Variants in ARFGAP3 observed in about 807,000 individuals in gnomAD.
ARFGAP3 encodes ARF GTPase activating protein 3.
Under a neutral mutation model 75.0 loss-of-function variants are expected in ARFGAP3, and 72 were observed. That is an observed-to-expected ratio of 0.96 (90% confidence interval 0.79 to 1.17). ARFGAP3 has a LOEUF of 1.17. ARFGAP3 is among the 50% of genes most tolerant of loss of function. The pLI, the probability that ARFGAP3 is intolerant of heterozygous loss-of-function variation, is 0.00. For synonymous variants in ARFGAP3, 221 were observed against 217.9 expected, an observed-to-expected ratio of 1.01 and a Z score of -0.13; for missense variants, 620 against 626.6, an observed-to-expected ratio of 0.99 and a Z score of 0.11.
Position 42,826,923 on chromosome 22 carries a change from G to T in ARFGAP3, c.625+17C>A. 6.2e-7 allele frequency: 1 copy of T among 1,608,836 alleles called. No homozygotes were observed. The highest frequency in any genetic ancestry group is 1.1e-5 in the South Asian group (1 of 90,230). Reference sequence around the variant, plus strand: ...TCATACACTTTAAATCAGAATGTAGGATTTTAAGCATATTACCTAAAGTAG... The same window carrying T: ...TCATACACTTTAAATCAGAATGTAGTATTTTAAGCATATTACCTAAAGTAG... On this transcript the variant is annotated intron_variant, in intron 7 of 15. Transcript: ENST00000263245.
intron 6 of ARFGAP3, among the ~76,000 whole-genome samples, chr22:42,829,805 C>A (rs1002571827): frequency 6.6e-6 from 1 of 152,154 alleles, no homozygotes; most frequent in Non-Finnish European, 1.5e-5. Context: ...AGGCTTTACC[C>A]ATGTTTTCTT....
chr22:42,813,696 C>T (rs1925464621), intron 11 of ARFGAP3, among the ~76,000 whole-genome samples: 1 of 152,146 alleles, frequency 6.6e-6, no homozygotes, highest in African/African-American at 2.4e-5. Flanking sequence ...GCTCTCTGTG[C>T]TCATGCTAAG....
chr22:42,807,537 T>C (rs1222409534), intron 13 of ARFGAP3, among the ~76,000 whole-genome samples: 1 of 152,210 alleles, frequency 6.6e-6, no homozygotes, highest in African/African-American at 2.4e-5. Flanking sequence ...TGAACTTGAA[T>C]GTCAACTTTG....
At chr22:42,848,907 A>G in intron 1 of ARFGAP3, among the ~76,000 whole-genome samples, 1 of 152,184 alleles carries the variant, frequency 6.6e-6, no homozygotes, top group Non-Finnish European at 1.5e-5. Context: ...TGGGTTACAA[A>G]TGACACTATG....
chr22:42,821,719 T>G (rs951774683), intron 9 of ARFGAP3, among the ~76,000 whole-genome samples: 2 of 152,096 alleles, frequency 1.3e-5, no homozygotes, highest in Non-Finnish European at 2.9e-5. Context: ...GTTGCACAGA[T>G]GTAAGTTTTA....
At chr22:42,824,748 T>C (rs1277182317) in intron 7 of ARFGAP3, among the ~76,000 whole-genome samples, 1 of 152,172 alleles carries the variant, frequency 6.6e-6, no homozygotes, top group Non-Finnish European at 1.5e-5. Flanking sequence ...AAGGGTATAT[T>C]GCGTGGTGCT....
chr22:42,848,362 C>T (rs1433542070), intron 1 of ARFGAP3, among the ~76,000 whole-genome samples: 1 of 152,164 alleles, frequency 6.6e-6, no homozygotes, highest in Non-Finnish European at 1.5e-5. Flanking sequence ...GCGCCCGCCA[C>T]CGCACCCGGC....
intron 14 of ARFGAP3, among the ~76,000 whole-genome samples, chr22:42,805,423 G>A (rs1238277611): frequency 3.9e-5 from 6 of 152,196 alleles, no homozygotes; most frequent in African/African-American, 1.2e-4. Flanking sequence ...TCTCTGGACC[G>A]GCTGCTGGCT....
chr22:42,799,974 T>C (rs1214021782), intron 14 of ARFGAP3, among the ~76,000 whole-genome samples: 2 of 152,228 alleles, frequency 1.3e-5, no homozygotes, highest in African/African-American at 4.8e-5. Flanking sequence ...TGTTAAGTGT[T>C]AGTTGCTTAA....
intron 14 of ARFGAP3, among the ~76,000 whole-genome samples, chr22:42,804,354 C>T (rs1483572668): frequency 2.0e-5 from 3 of 149,100 alleles, no homozygotes; most frequent in East Asian, 2.0e-4. Context: ...GGATTACAGG[C>T]GCCCACCACC....
chr22:42,824,031 C>CATT (rs758817762), intron 7 of ARFGAP3, among the ~76,000 whole-genome samples: 32 of 143,602 alleles, frequency 2.2e-4, no homozygotes, highest in Middle Eastern at 3.6e-3. Flanking sequence ...ATTACAACAA[C>CATT]TTTTTTTTTT....
intron 5 of ARFGAP3, among the ~76,000 whole-genome samples, chr22:42,833,841 A>G (rs1415436458): frequency 2.6e-5 from 4 of 152,202 alleles, no homozygotes; most frequent in African/African-American, 9.6e-5. Flanking sequence ...ACTTGAACCC[A>G]GGGGGCAGAG....
At chr22:42,806,812 A>G (rs780774276) in intron 14 of ARFGAP3, among the ~76,000 whole-genome samples, 24 of 152,200 alleles carry the variant, frequency 1.6e-4, no homozygotes, top group Non-Finnish European at 2.9e-4. Flanking sequence ...AGCCGCACTC[A>G]GCTAGAAAAC....
At chr22:42,801,950 A>G (rs1943264147) in intron 14 of ARFGAP3, among the ~76,000 whole-genome samples, 1 of 152,146 alleles carries the variant, frequency 6.6e-6, no homozygotes. Flanking sequence ...CCACAGGCTC[A>G]ACACAGCTGG....
At chr22:42,812,484 G>A (rs371861788) in intron 11 of ARFGAP3, among the ~76,000 whole-genome samples, 4 of 152,256 alleles carry the variant, frequency 2.6e-5, no homozygotes, top group East Asian at 1.9e-4. Context: ...ACCAAGCTCC[G>A]TGCTATAAGG....
intron 2 of ARFGAP3, among the ~76,000 whole-genome samples, chr22:42,844,095 G>A (rs1926901768): frequency 6.6e-6 from 1 of 152,206 alleles, no homozygotes; most frequent in Non-Finnish European, 1.5e-5. Flanking sequence ...GCAGTGGGAG[G>A]GGAAGAAGAG....
chr22:42,828,451 G>A lies in ARFGAP3; in HGVS notation c.566-1452C>T, dbSNP rs763249585. On this transcript the variant is annotated intron_variant, in intron 6 of 15. Coordinates refer to ENST00000263245, the MANE Select transcript of ARFGAP3 (RefSeq NM_014570.5). ...CATGCCTGTAATCCCAGCTACTTGGGAGGCTGAGACAGGAGAATCGCTTGA... is the reference window on the plus strand; with the variant it reads ...CATGCCTGTAATCCCAGCTACTTGGAAGGCTGAGACAGGAGAATCGCTTGA... Among the ~76,000 whole-genome samples, 161 of 152,098 alleles carry A rather than the reference G, an allele frequency of 1.1e-3. 2 individuals carry two copies. Among genetic ancestry groups the A allele is most frequent in the South Asian group, 1.5e-3 (7 of 4,812 alleles).
chr22:42,837,620 C>CAAA (rs574222602), intron 3 of ARFGAP3, among the ~76,000 whole-genome samples: 21 of 66,554 alleles, frequency 3.2e-4, no homozygotes, highest in African/African-American at 1.3e-3. Context: ...GACTCTATCT[C>CAAA]AAAAAAAAAA....
In ARFGAP3 at chr22:42,831,646, G is replaced by A; in HGVS notation, c.478-10C>T. 1 of 1,613,750 alleles carries A rather than the reference G, an allele frequency of 6.2e-7. No individual in the cohort carries two copies. The highest frequency in any genetic ancestry group is 1.1e-5 in the South Asian group (1 of 91,036). ...ACGCTGTGTCACTCACCTGAAACAA[G>A]GCGAGAAAAGTCATTAGCAGACAAA... On this transcript the variant is annotated splice_polypyrimidine_tract_variant and intron_variant, in intron 5 of 15. Transcript: ENST00000263245.
Sources: gnomAD v4.1 joint callset for allele counts (sites outside exome capture counted in the v4.1 genomes callset) on GRCh38, gnomAD v4.1.1 for gene constraint, MANE v1.5 for transcripts, NCBI Gene and HGNC (gene_info 2026-07-23, HGNC 2026-07-21) for gene names.